Variants in ASTN1 observed in about 807,000 individuals in gnomAD.
ASTN1 encodes the protein astrotactin-1.
A neutral mutation model predicts 140.7 loss-of-function variants in ASTN1; 41 were observed. That is an observed-to-expected ratio of 0.29 (90% confidence interval 0.23 to 0.38). ASTN1 has a LOEUF of 0.38. Ranked by LOEUF, ASTN1 falls within the 10% of genes least tolerant of loss-of-function variation. The pLI is 1.00. For missense variants in ASTN1, 1,479 were observed against 1,678.8 expected, an observed-to-expected ratio of 0.88 and a Z score of 2.08; for synonymous variants, 640 against 652.2, an observed-to-expected ratio of 0.98 and a Z score of 0.29.
chr1:176,922,189 T>C (rs903779896), intron 16 of ASTN1, among the ~76,000 whole-genome samples: 4 of 152,156 alleles, frequency 2.6e-5, no homozygotes, highest in Non-Finnish European at 4.4e-5. Context: ...ACTACTAATG[T>C]TATCTCTCAG....
At chr1:176,891,805 C>A (rs1669280171) in intron 17 of ASTN1, among the ~76,000 whole-genome samples, 1 of 151,694 alleles carries the variant, frequency 6.6e-6, no homozygotes, top group Admixed American at 6.6e-5. Context: ...AAAAAGAAAC[C>A]CAGAAAAACA....
chr1:176,983,648 C>T lies in ASTN1; in HGVS notation c.1524-18411G>A, dbSNP rs570733350. On this transcript the variant is annotated intron_variant, in intron 8 of 22. Coordinates refer to ENST00000361833, the MANE Select transcript of ASTN1 (RefSeq NM_004319.3). Reference sequence around the variant, plus strand: ...TCACAGGGTTGTTTTCTGTTCTCTTCCCAAACTTGTTCTGATTTGGGGTGT... The same window carrying T: ...TCACAGGGTTGTTTTCTGTTCTCTTTCCAAACTTGTTCTGATTTGGGGTGT... Among the ~76,000 whole-genome samples, 6 of 152,276 alleles carry T rather than the reference C, an allele frequency of 3.9e-5. 1 individual carries two copies. Among genetic ancestry groups the T allele is most frequent in the African/African-American group, 1.4e-4 (6 of 41,538 alleles).
At chr1:176,879,329 T>C (rs1668692504) in intron 20 of ASTN1, among the ~76,000 whole-genome samples, 1 of 152,112 alleles carries the variant, frequency 6.6e-6, no homozygotes. Flanking sequence ...GAGCATGGTG[T>C]TGGAACTCAG....
intron 2 of ASTN1, among the ~76,000 whole-genome samples, chr1:177,041,683 C>T (rs1402308630): frequency 6.6e-6 from 1 of 152,220 alleles, no homozygotes; most frequent in Non-Finnish European, 1.5e-5. Flanking sequence ...CCATTAGGAT[C>T]AAACATTAAG....
chr1:176,916,170 C>A (rs2038047), intron 16 of ASTN1, among the ~76,000 whole-genome samples: 1 of 151,974 alleles, frequency 6.6e-6, no homozygotes, highest in Non-Finnish European at 1.5e-5. Flanking sequence ...GTTCGAATAA[C>A]GGCTGGGGCT....
intron 2 of ASTN1, among the ~76,000 whole-genome samples, chr1:177,056,707 A>G (rs1023871636): frequency 6.6e-6 from 1 of 152,176 alleles, no homozygotes; most frequent in Non-Finnish European, 1.5e-5. Flanking sequence ...TGAAATATAT[A>G]GACAATACAT....
At chr1:177,081,082 A>T (rs2102075923) in intron 1 of ASTN1, among the ~76,000 whole-genome samples, 1 of 152,278 alleles carries the variant, frequency 6.6e-6, no homozygotes, top group South Asian at 2.1e-4. Context: ...GAGTGCTAAC[A>T]TTTCAACCTG....
At chr1:176,944,726 C>A (rs1422257204) in intron 13 of ASTN1, among the ~76,000 whole-genome samples, 1 of 152,178 alleles carries the variant, frequency 6.6e-6, no homozygotes, top group Non-Finnish European at 1.5e-5. Context: ...AAAGACTATG[C>A]TTTCCTCTTT....
At chr1:176,964,717 C>T (rs754302816) in intron 9 of ASTN1, among the ~76,000 whole-genome samples, 64 of 152,078 alleles carry the variant, frequency 4.2e-4, no homozygotes, top group Non-Finnish European at 7.4e-4. Context: ...TCATTTTGAA[C>T]AACTTAAGAC....
intron 1 of ASTN1, among the ~76,000 whole-genome samples, chr1:177,144,552 G>C (rs892496800): frequency 1.0e-4 from 15 of 148,652 alleles, no homozygotes; most frequent in African/African-American, 3.5e-4. Context: ...GCGCCCAGCT[G>C]TGGAACTCAA....
chr1:177,006,128 A>C (rs933363140), intron 8 of ASTN1, among the ~76,000 whole-genome samples: 4 of 152,186 alleles, frequency 2.6e-5, no homozygotes, highest in Admixed American at 6.5e-5. Flanking sequence ...AAAATAGCTT[A>C]AAATTGAAGG....
chr1:176,991,436 C>CAAAAAAAAAAAAAAAAA (rs1173420812), intron 8 of ASTN1, among the ~76,000 whole-genome samples: 1 of 13,834 alleles, frequency 7.2e-5, no homozygotes, highest in Non-Finnish European at 1.5e-4. Flanking sequence ...AAAAAAAAAC[C>CAAAAAAAAAAAAAAAAA]AAAAAAAAAA....
intron 21 of ASTN1, among the ~76,000 whole-genome samples, chr1:176,869,595 T>A (rs929958205): frequency 1.3e-5 from 2 of 152,170 alleles, no homozygotes; most frequent in Admixed American, 1.3e-4. Flanking sequence ...GCCTTCCTGA[T>A]GAGCTGACTG....
At chr1:176,870,406 G>A (rs1423214765) in intron 21 of ASTN1, among the ~76,000 whole-genome samples, 1 of 152,220 alleles carries the variant, frequency 6.6e-6, no homozygotes, top group African/African-American at 2.4e-5. Context: ...AGTTTCCAGA[G>A]TTGGAATGAA....
intron 2 of ASTN1, among the ~76,000 whole-genome samples, chr1:177,044,964 G>A (rs1003008314): frequency 1.3e-5 from 2 of 152,168 alleles, no homozygotes; most frequent in African/African-American, 4.8e-5. Flanking sequence ...AGGGGAGGGA[G>A]AGGAAAAGGG....
intron 1 of ASTN1, among the ~76,000 whole-genome samples, chr1:177,119,813 C>T (rs570482122): frequency 6.6e-6 from 1 of 152,242 alleles, no homozygotes; most frequent in South Asian, 2.1e-4. Context: ...TGCCTCATTC[C>T]CATATGCCCA....
chr1:177,150,492 A>G (rs1337806090), intron 1 of ASTN1, among the ~76,000 whole-genome samples: 1 of 152,178 alleles, frequency 6.6e-6, no homozygotes, highest in Non-Finnish European at 1.5e-5. Flanking sequence ...AAGGTAGTTC[A>G]GGTAAAGGAA....
At chr1:177,008,465 G>GAGAGAGAGAAGGAGAGGA (rs1675107457) in intron 8 of ASTN1, among the ~76,000 whole-genome samples, 4 of 143,572 alleles carry the variant, frequency 2.8e-5, no homozygotes, top group African/African-American at 1.0e-4. Context: ...GAGAGGAAGA[G>GAGAGAGAGAAGGAGAGGA]AGAGAGAGAG....
At chr1:176,941,307 T>C (rs1385645837) in intron 14 of ASTN1, among the ~76,000 whole-genome samples, 3 of 152,200 alleles carry the variant, frequency 2.0e-5, no homozygotes, top group African/African-American at 7.2e-5. Flanking sequence ...AAAGGAAATA[T>C]GTGACCTTGG....
Sources: allele counts gnomAD v4.1 joint callset (sites outside exome capture counted in the v4.1 genomes callset), GRCh38; gene constraint gnomAD v4.1.1; transcripts MANE v1.5; gene names NCBI Gene and HGNC (gene_info 2026-07-23, HGNC 2026-07-21).